The following HSF2BP variants were observed in gnomAD, a reference collection of about 807,000 sequenced individuals.
The protein encoded by HSF2BP is heat shock factor 2-binding protein.
HSF2BP carries 35 observed loss-of-function variants against 35.0 expected under a neutral mutation model. The observed-to-expected ratio is 1.00, with a 90% CI of 0.76 to 1.32. The LOEUF (loss-of-function observed/expected upper bound fraction) is 1.32, where lower values mean the gene tolerates loss of function less well. HSF2BP is among the 40% of genes most tolerant of loss of function. The pLI, the probability that HSF2BP is intolerant of heterozygous loss-of-function variation, is 0.00. For synonymous variants in HSF2BP, 114 were observed against 117.4 expected (o/e 0.97, Z 0.18); for missense variants, 326 against 321.7 (o/e 1.01, Z -0.10).
intron 1 of HSF2BP, among the ~76,000 whole-genome samples, chr21:43,658,929 A>G (rs1183217210): frequency 2.0e-5 from 3 of 152,158 alleles, no homozygotes; most frequent in Non-Finnish European, 4.4e-5. Flanking sequence ...CGGGGGCTCC[A>G]CAGTTAAAAA....
intron 6 of HSF2BP, among the ~76,000 whole-genome samples, chr21:43,620,221 C>A (rs2082316427): frequency 6.6e-6 from 1 of 152,038 alleles, no homozygotes. Flanking sequence ...AACAGGGAAC[C>A]ACGGCCTCCC....
intron 2 of HSF2BP, 184 bp downstream of exon 2, chr21:43,657,877 G>C: frequency 9.1e-6 from 9 of 985,476 alleles, no homozygotes; most frequent in Non-Finnish European, 1.1e-5. Flanking sequence ...TGGAGGCGAA[G>C]TCGCCTCCCG....
chr21:43,587,674 A>G lies in HSF2BP; in HGVS notation c.796+4551T>C, dbSNP rs1326584186. On this transcript the variant is annotated intron_variant, in intron 8 of 8. Transcript: ENST00000291560. ...AAGCGAAATTCTGTCTCAAAAAAAAAAAAAAAAAAAAAGGAAAGCCTGGGA... is the reference window on the plus strand; with the variant it reads ...AAGCGAAATTCTGTCTCAAAAAAAAGAAAAAAAAAAAAGGAAAGCCTGGGA... 1.9e-3 allele frequency among the ~76,000 whole-genome samples: 294 copies of G among 151,550 alleles called. 2 individuals are homozygous for G. The highest frequency in any genetic ancestry group is 0.01 in the Middle Eastern group (3 of 294).
intron 8 of HSF2BP, among the ~76,000 whole-genome samples, chr21:43,589,064 A>T (rs930016852): frequency 6.6e-6 from 1 of 152,200 alleles, no homozygotes; most frequent in Non-Finnish European, 1.5e-5. Context: ...CCATAGCCAG[A>T]GCATTTATGC....
chr21:43,581,590 G>A (rs575268395), intron 8 of HSF2BP, among the ~76,000 whole-genome samples: 149 of 152,216 alleles, frequency 9.8e-4, no homozygotes, highest in African/African-American at 3.4e-3. Flanking sequence ...TTTTCTCCAG[G>A]TGGCCAGGAA....
At chr21:43,625,046 T>G (rs1055367292) in intron 6 of HSF2BP, among the ~76,000 whole-genome samples, 3 of 152,298 alleles carry the variant, frequency 2.0e-5, no homozygotes, top group East Asian at 1.9e-4. Flanking sequence ...CACTAACCTA[T>G]CATTAAAGAA....
chr21:43,585,671 G>C (rs2081841040), intron 8 of HSF2BP, among the ~76,000 whole-genome samples: 1 of 152,072 alleles, frequency 6.6e-6, no homozygotes, highest in South Asian at 2.1e-4. Context: ...ACCTAGGTGG[G>C]AGTGCTAGCT....
chr21:43,590,018 A>G (rs2081906462), intron 8 of HSF2BP, among the ~76,000 whole-genome samples: 2 of 152,212 alleles, frequency 1.3e-5, no homozygotes, highest in Admixed American at 1.3e-4. Flanking sequence ...GAAGAAAAAG[A>G]ATTATAAACT....
intron 5 of HSF2BP, among the ~76,000 whole-genome samples, chr21:43,632,824 A>T (rs2082499297): frequency 6.6e-6 from 1 of 152,092 alleles, no homozygotes; most frequent in Non-Finnish European, 1.5e-5. Context: ...TCGACTGTGC[A>T]GGGGGTCAGC....
Position 43,596,387 on chromosome 21 carries a change from T to TACACAC in HSF2BP, c.693-4065_693-4060dup, listed in dbSNP as rs112009393. Among the ~76,000 whole-genome samples the TACACAC allele has an allele frequency of 9.6e-4, 141 of 147,438 alleles. 1 individual carries two copies. The highest frequency in any genetic ancestry group is 3.2e-3 in the African/African-American group (129 of 40,418). On this transcript the variant is annotated intron_variant, in intron 7 of 8. Coordinates refer to ENST00000291560, the MANE Select transcript of HSF2BP (RefSeq NM_007031.2). ...AATAAAACTTGTGATGCTAGTGAAA[T>TACACAC]ACACACACACACACACACACACACA...
chr21:43,596,902 A>AGAG (rs1555859826), intron 7 of HSF2BP, among the ~76,000 whole-genome samples: 8 of 52,610 alleles, frequency 1.5e-4, no homozygotes, highest in African/African-American at 3.1e-4. Flanking sequence ...AAAAAAAAAA[A>AGAG]AAAGAGAATT....
At chr21:43,641,673 C>G (rs182434927) in intron 4 of HSF2BP, among the ~76,000 whole-genome samples, 4 of 152,188 alleles carry the variant, frequency 2.6e-5, no homozygotes, top group Admixed American at 2.0e-4. Context: ...AGCAGCCAGG[C>G]ACGGTGGCTC....
chr21:43,652,070 T>C (rs1365177752), intron 3 of HSF2BP, among the ~76,000 whole-genome samples: 2 of 152,218 alleles, frequency 1.3e-5, no homozygotes, highest in Non-Finnish European at 2.9e-5. Flanking sequence ...ACTCCTTCCC[T>C]GCCTGTATTC....
rs569636741 is a variant in HSF2BP, at chr21:43,612,384, G to A, written c.692+1446C>T. Among the ~76,000 whole-genome samples the A allele has an allele frequency of 5.0e-3, 763 of 152,304 alleles. 8 individuals are homozygous for A. The highest frequency in any genetic ancestry group is 0.017 in the African/African-American group (717 of 41,556). ...TAAAAGTGCTAGGCCGGGCGCAGGG[G>A]CTCACGCCTGTAATCCCAGCACTTT... On this transcript the variant is annotated intron_variant, in intron 7 of 8. Coordinates refer to ENST00000291560, the MANE Select transcript of HSF2BP (RefSeq NM_007031.2).
intron 8 of HSF2BP, among the ~76,000 whole-genome samples, chr21:43,588,240 T>C (rs1485823325): frequency 6.6e-6 from 1 of 152,054 alleles, no homozygotes; most frequent in African/African-American, 2.4e-5. Context: ...TAGCCAGGTG[T>C]AGTGGCAGGC....
intron 5 of HSF2BP, among the ~76,000 whole-genome samples, chr21:43,631,140 A>G (rs1417733043): frequency 1.3e-5 from 2 of 152,226 alleles, no homozygotes; most frequent in African/African-American, 4.8e-5. Context: ...ACAATCTTAC[A>G]GTATGTAAAT....
rs189524740 is a variant in HSF2BP, at chr21:43,657,351, C to T, written c.37-614G>A. On this transcript the variant is annotated intron_variant, in intron 2 of 8. Transcript: ENST00000291560. ...CTCCAGTCTGGGCAACAGAGCAAGA[C>T]CACGAAAAAGAAAAGTCATACAAGA... Among the ~76,000 whole-genome samples, 488 of 152,266 alleles carry T rather than the reference C, an allele frequency of 3.2e-3. 1 individual carries two copies. Among genetic ancestry groups the T allele is most frequent in the African/African-American group, 0.011 (458 of 41,554 alleles).
At chr21:43,644,949 C>T (rs2082689125) in intron 3 of HSF2BP, among the ~76,000 whole-genome samples, 1 of 152,146 alleles carries the variant, frequency 6.6e-6, no homozygotes, top group East Asian at 1.9e-4. Context: ...CTCTCCACCG[C>T]ACTCATTTAG....
intron 8 of HSF2BP, among the ~76,000 whole-genome samples, chr21:43,591,251 A>C (rs374330554): frequency 6.6e-6 from 1 of 152,220 alleles, no homozygotes. Context: ...ATAGCTTTTT[A>C]AAGAAATTTT....
Sources: gnomAD v4.1 joint callset for allele counts (sites outside exome capture counted in the v4.1 genomes callset) on GRCh38, gnomAD v4.1.1 for gene constraint, MANE v1.5 for transcripts, NCBI Gene and HGNC (gene_info 2026-07-23, HGNC 2026-07-21) for gene names.